RPUSD2: variants seen among roughly 807,000 people sequenced by gnomAD.
RPUSD2 encodes pseudouridylate synthase RPUSD2.
Under a neutral mutation model 41.5 loss-of-function variants are expected in RPUSD2, and 31 were observed. That is an observed-to-expected ratio of 0.75 (90% confidence interval 0.56 to 1.01). RPUSD2 has a LOEUF of 1.01. Ranked by LOEUF, RPUSD2 falls within the 50% of genes least tolerant of loss-of-function variation. The pLI, the probability that RPUSD2 is intolerant of heterozygous loss-of-function variation, is 0.00. For synonymous variants in RPUSD2, 305 were observed against 289.7 expected, an observed-to-expected ratio of 1.05 and a Z score of -0.54; for missense variants, 749 against 724.7, an observed-to-expected ratio of 1.03 and a Z score of -0.38.
At chr15:40,572,456 C>G (rs931893029) in intron 2 of RPUSD2, among the ~76,000 whole-genome samples, 2 of 151,778 alleles carry the variant, frequency 1.3e-5, no homozygotes, top group East Asian at 3.9e-4. Flanking sequence ...GTCCCAGCTA[C>G]TCGGGAGGCT....
Position 40,569,686 on chromosome 15 carries a change from C to T in RPUSD2, c.349C>T (p.Arg117Trp). 2 of 1,562,274 alleles carry T rather than the reference C, an allele frequency of 1.3e-6. No individual in the cohort carries two copies. Among genetic ancestry groups the T allele is most frequent in the South Asian group, 1.2e-5 (1 of 85,056 alleles). The change falls in exon 1 of 3, where the codon CGG becomes TGG. Residue 117 changes from arginine (R) to tryptophan (W), a missense_variant. Arg to Trp is a moderately radical substitution (Grantham distance 101). Transcript: ENST00000315616. ...GCGTGTCGTGCCGCCCCCGAAGAAG[C>T]GGCGGACCGGGGTGAGCTTCGGAGA... is the stretch of plus-strand genomic sequence containing the variant. ...RERVVPPPKK[R>W]RTGVSFGDEH...
chr15:40,572,929 C>T (rs1232371748), intron 2 of RPUSD2, among the ~76,000 whole-genome samples: 1 of 151,582 alleles, frequency 6.6e-6, no homozygotes, highest in Admixed American at 6.6e-5. Flanking sequence ...TGAGTGCATG[C>T]TATATACCAG....
chr15:40,571,033 C>T (rs959967745), intron 1 of RPUSD2, among the ~76,000 whole-genome samples: 5 of 151,230 alleles, frequency 3.3e-5, no homozygotes, highest in African/African-American at 1.2e-4. Context: ...TGCTCTGTTG[C>T]CCAGGCTGGC....
At position 40,571,832 on chromosome 15, in the gene RPUSD2, G is replaced by C. The variant is rs778553896; in HGVS notation, c.835G>C (p.Gly279Arg). Residue 279 changes from glycine to arginine, a missense_variant, in exon 2 of 3, where the codon GGG (glycine) becomes CGG (arginine). Gly to Arg is a moderately radical substitution (Grantham distance 125, BLOSUM62 -2). Coordinates refer to ENST00000315616, the MANE Select transcript of RPUSD2 (RefSeq NM_152260.3). ...PLHRLDRLTS[G>R]VLMFAKTAAV... Reference sequence around the variant, plus strand: ...GCATCGGCTTGACCGCCTTACCTCAGGGGTGCTTATGTTTGCCAAGACAGC... The same window carrying C: ...GCATCGGCTTGACCGCCTTACCTCACGGGTGCTTATGTTTGCCAAGACAGC... 3 of 1,614,104 alleles carry C rather than the reference G, an allele frequency of 1.9e-6. No individual in the cohort carries two copies. The Admixed American group carries it at 5.0e-5, about 27-fold the overall frequency.
At position 40,569,855 on chromosome 15, in the gene RPUSD2, A is replaced by C. The variant is rs1891099884; in HGVS notation, c.518A>C (p.Gln173Pro). 3 of 1,611,104 alleles carry C rather than the reference A, an allele frequency of 1.9e-6. No individual in the cohort carries two copies. Among genetic ancestry groups the C allele is most frequent in the South Asian group, 2.2e-5 (2 of 90,358 alleles). ...LHVFSTEFRA[Q>P]PLAYYEAAVR... ...GTCTTCAGTACCGAGTTCCGAGCTCAGCCCCTGGCCTACTATGAGGCCGCG... is the reference window on the plus strand; with the variant it reads ...GTCTTCAGTACCGAGTTCCGAGCTCCGCCCCTGGCCTACTATGAGGCCGCG... The change falls in exon 1 of 3, where the codon CAG becomes CCG. Residue 173 changes from glutamine (Q) to proline (P), a missense_variant. Gln to Pro is a moderately conservative substitution (Grantham distance 76, BLOSUM62 -1). Transcript: ENST00000315616.
In RPUSD2 at chr15:40,569,672, C is replaced by T. The variant is rs1273558989; in HGVS notation, c.335C>T (p.Pro112Leu). Reference sequence around the variant, plus strand: ...GGCGCAACCAGGGAGCGTGTCGTGCCGCCCCCGAAGAAGCGGCGGACCGGG... The same window carrying T: ...GGCGCAACCAGGGAGCGTGTCGTGCTGCCCCCGAAGAAGCGGCGGACCGGG... ...RRGATRERVVPPPKKRRTGVS... is the reference protein window; with the variant it reads ...RRGATRERVVLPPKKRRTGVS... The change falls in exon 1 of 3, where the codon CCG (proline) becomes CTG (leucine). Residue 112 changes from proline (P) to leucine (L), a missense_variant. Physicochemically the swap from Pro to Leu is moderately conservative, Grantham distance 98. Transcript: ENST00000315616. 1.3e-6 allele frequency: 2 copies of T among 1,554,388 alleles called. No homozygotes were observed. Among genetic ancestry groups the T allele is most frequent in the Non-Finnish European group, 8.7e-7 (1 of 1,147,670 alleles).
chr15:40,571,001 T>A (rs1026733359), intron 1 of RPUSD2, among the ~76,000 whole-genome samples: 14 of 152,058 alleles, frequency 9.2e-5, no homozygotes, highest in Non-Finnish European at 1.3e-4. Flanking sequence ...TATTTATTTT[T>A]TTTTTTTTTG....
chr15:40,569,977 G>A, intron 1 of RPUSD2, 34 bp downstream of exon 1: 1 of 1,267,492 alleles, frequency 7.9e-7, no homozygotes, highest in South Asian at 1.7e-5. Context: ...AGAAGCGGGC[G>A]AGGAAAAGGG....
At chr15:40,569,967 A>G in intron 1 of RPUSD2, 24 bp downstream of exon 1, 1 of 1,413,766 alleles carries the variant, frequency 7.1e-7, no homozygotes, top group African/African-American at 1.5e-5. Flanking sequence ...GGGGCTGGCC[A>G]GAAGCGGGCG....
chr15:40,571,600 A>G lies in RPUSD2; in HGVS notation c.607-4A>G. ...GGCTGACTTATTACCTATGTCTTTG[A>G]CAGGACAATGATTTCTTGCGGAACA... On this transcript the variant is annotated splice_polypyrimidine_tract_variant and splice_region_variant and intron_variant, in intron 1 of 2. Transcript: ENST00000315616. The G allele has an allele frequency of 1.9e-6, 3 of 1,613,678 alleles. No individual in the cohort carries two copies. Among genetic ancestry groups the G allele is most frequent in the Non-Finnish European group, 2.5e-6 (3 of 1,179,640 alleles).
chr15:40,571,567 G>C, intron 1 of RPUSD2, 37 bp from the exon 2 acceptor site: 4 of 1,595,596 alleles, frequency 2.5e-6, no homozygotes, highest in South Asian at 1.1e-5. Flanking sequence ...TACAGGCTGC[G>C]GTCCCTAGGC....
Position 40,571,740 on chromosome 15 carries a change from G to T in RPUSD2, c.743G>T (p.Arg248Leu). 1 of 1,614,190 alleles carries T rather than the reference G, an allele frequency of 6.2e-7. No homozygotes were observed. Among genetic ancestry groups the T allele is most frequent in the East Asian group, 2.2e-5 (1 of 44,884 alleles). Residue 248 changes from arginine (R) to leucine (L), a missense_variant, in exon 2 of 3, where the codon CGC becomes CTC. Transcript: ENST00000315616. ...TCCATTCCCGTTCACCCCTGTGGCC[G>T]CTTCCGACACAACACAGTTATCTTC... ...PSSIPVHPCG[R>L]FRHNTVIFIL...
intron 2 of RPUSD2, 38 bp from the exon 3 acceptor site, chr15:40,573,489 G>T: frequency 1.3e-6 from 2 of 1,578,056 alleles, no homozygotes; most frequent in Admixed American, 1.7e-5. Flanking sequence ...ATGAATTTAG[G>T]CTTTGTACTG....
Position 40,571,626 on chromosome 15 carries a change from C to G in RPUSD2, c.629C>G (p.Thr210Arg). ...CAGGACAATGATTTCTTGCGGAACA[C>G]AGTGCACAGGCATGAGCCACCAGTC... The part of the protein sequence containing the change: ...VLKDNDFLRN[T>R]VHRHEPPVTA... The change falls in exon 2 of 3, where the codon ACA becomes AGA. Residue 210 changes from threonine (T) to arginine (R), a missense_variant. Transcript: ENST00000315616. 1.2e-6 allele frequency: 2 copies of G among 1,614,218 alleles called. No individual in the cohort carries two copies. The highest frequency in any genetic ancestry group is 2.2e-5 in the South Asian group (2 of 91,084).
At position 40,569,602 on chromosome 15, in the gene RPUSD2, C is replaced by A. The variant is rs1468709735; in HGVS notation, c.265C>A (p.Pro89Thr). 4.6e-6 allele frequency: 7 copies of A among 1,535,984 alleles called. No individual in the cohort carries two copies. The highest frequency in any genetic ancestry group is 6.1e-6 in the Non-Finnish European group (7 of 1,140,862). Residue 89 changes from proline to threonine, a missense_variant, in exon 1 of 3, where the codon CCC becomes ACC. Pro to Thr is a conservative substitution (Grantham distance 38). Coordinates refer to ENST00000315616, the MANE Select transcript of RPUSD2 (RefSeq NM_152260.3). ...GCCGGCCCCAGTAGGCGGGGAGCATCCCTCGGCTGCAGCCCCAGGCCCGGG... is the reference window on the plus strand; with the variant it reads ...GCCGGCCCCAGTAGGCGGGGAGCATACCTCGGCTGCAGCCCCAGGCCCGGG... ...VEPAPVGGEHPSAAAPGPGKH... is the reference protein window; with the variant it reads ...VEPAPVGGEHTSAAAPGPGKH...
intron 2 of RPUSD2, among the ~76,000 whole-genome samples, chr15:40,573,244 C>T (rs909123718): frequency 2.0e-5 from 3 of 152,026 alleles, no homozygotes; most frequent in Admixed American, 1.3e-4. Context: ...AGGCTGGTCT[C>T]GAACTTTCGA....
Position 40,569,682 on chromosome 15 carries a change from G to A in RPUSD2, c.345G>A (p.Lys115=). Residue 115 remains lysine, a synonymous_variant, in exon 1 of 3, where the codon AAG becomes AAA. Transcript: ENST00000315616. ...ATRERVVPPP[K]KRRTGVSFGD... ...GGGAGCGTGTCGTGCCGCCCCCGAA[G>A]AAGCGGCGGACCGGGGTGAGCTTCG... 3 of 1,562,222 alleles carry A rather than the reference G, an allele frequency of 1.9e-6. No individual in the cohort carries two copies. The highest frequency in any genetic ancestry group is 2.6e-6 in the Non-Finnish European group (3 of 1,151,644).
chr15:40,569,689 C>T lies in RPUSD2; in HGVS notation c.352C>T (p.Arg118Trp), dbSNP rs773441637. Residue 118 changes from arginine (R) to tryptophan (W), a missense_variant, in exon 1 of 3, where the codon CGG becomes TGG. By Grantham distance (101) the Arg-to-Trp change is moderately radical (BLOSUM62 -3). Transcript: ENST00000315616. ...ERVVPPPKKRRTGVSFGDEHF... is the reference protein window; with the variant it reads ...ERVVPPPKKRWTGVSFGDEHF... ...TGTCGTGCCGCCCCCGAAGAAGCGG[C>T]GGACCGGGGTGAGCTTCGGAGATGA... 4 of 1,563,562 alleles carry T rather than the reference C, an allele frequency of 2.6e-6. No homozygotes were observed. The highest frequency in any genetic ancestry group is 2.6e-6 in the Non-Finnish European group (3 of 1,152,608).
intron 1 of RPUSD2, among the ~76,000 whole-genome samples, chr15:40,570,435 G>C (rs1055831254): frequency 2.0e-5 from 3 of 152,144 alleles, no homozygotes; most frequent in Admixed American, 1.3e-4. Context: ...AAACTCACAG[G>C]GGTAAGGCTA....
Sources: gnomAD v4.1 joint callset for allele counts (sites outside exome capture counted in the v4.1 genomes callset) on GRCh38, gnomAD v4.1.1 for gene constraint, MANE v1.5 for transcripts, NCBI Gene and HGNC (gene_info 2026-07-23, HGNC 2026-07-21) for gene names.